Variants in LRBA observed in about 807,000 individuals in gnomAD.
The protein encoded by LRBA is lipopolysaccharide-responsive and beige-like anchor protein.
LRBA carries 176 observed loss-of-function variants against 330.0 expected under a neutral mutation model. The observed-to-expected ratio is 0.53, with a 90% CI of 0.47 to 0.60. The LOEUF (loss-of-function observed/expected upper bound fraction) is 0.60, where lower values mean the gene tolerates loss of function less well. LRBA is among the 20% of genes least tolerant of loss of function. The pLI, the probability that LRBA is intolerant of heterozygous loss-of-function variation, is 0.00. For missense variants in LRBA, 3,259 were observed against 3,444.8 expected (o/e 0.95, Z 1.35); for synonymous variants, 1,230 against 1,193.0 (o/e 1.03, Z -0.64).
At chr4:150,907,603 C>A (rs987958968) in intron 11 of LRBA, among the ~76,000 whole-genome samples, 2 of 151,946 alleles carry the variant, frequency 1.3e-5, no homozygotes, top group Non-Finnish European at 2.9e-5. Flanking sequence ...AAGCAAAAAT[C>A]AAAGGGAGAA....
chr4:150,424,646 C>T (rs931806694), intron 46 of LRBA, among the ~76,000 whole-genome samples: 1 of 152,156 alleles, frequency 6.6e-6, no homozygotes, highest in East Asian at 1.9e-4. Flanking sequence ...CACACACACA[C>T]ACAGAGTCAG....
chr4:150,514,490 T>C (rs868475736), intron 40 of LRBA, among the ~76,000 whole-genome samples: 2 of 152,134 alleles, frequency 1.3e-5, no homozygotes, highest in African/African-American at 4.8e-5. Flanking sequence ...GCACAAGAAA[T>C]GCAGAAAAAA....
intron 53 of LRBA, among the ~76,000 whole-genome samples, chr4:150,288,679 CCATA>C (rs2126790708): frequency 6.6e-6 from 1 of 151,950 alleles, no homozygotes; most frequent in Admixed American, 6.5e-5. Flanking sequence ...CACAAAAATA[CCATA>C]CAATGTTGTT....
chr4:150,546,298 C>G (rs1765855203), intron 40 of LRBA, among the ~76,000 whole-genome samples: 1 of 152,108 alleles, frequency 6.6e-6, no homozygotes, highest in Admixed American at 6.6e-5. Context: ...TATTTAAAAC[C>G]ACTATTCAAA....
At chr4:150,895,611 A>T (rs570432415) in intron 16 of LRBA, among the ~76,000 whole-genome samples, 1 of 152,192 alleles carries the variant, frequency 6.6e-6, no homozygotes, top group Non-Finnish European at 1.5e-5. Flanking sequence ...AAGGACATGA[A>T]CTCATCCTTT....
chr4:150,756,091 A>G (rs566065503), intron 35 of LRBA, among the ~76,000 whole-genome samples: 20 of 151,798 alleles, frequency 1.3e-4, no homozygotes, highest in Non-Finnish European at 2.4e-4. Flanking sequence ...ATTTGCACTT[A>G]TTTTTCAAAA....
At chr4:151,008,741 G>A (rs1744420681) in intron 2 of LRBA, among the ~76,000 whole-genome samples, 2 of 151,450 alleles carry the variant, frequency 1.3e-5, no homozygotes, top group African/African-American at 4.9e-5. Flanking sequence ...TTGGGAGGCT[G>A]AGGCAGGCGG....
chr4:150,575,608 TGAAA>T (rs763754017), intron 40 of LRBA, among the ~76,000 whole-genome samples: 11 of 151,874 alleles, frequency 7.2e-5, no homozygotes, highest in Non-Finnish European at 1.5e-4. Flanking sequence ...TCATATGACC[TGAAA>T]GAAATAGCAC....
intron 37 of LRBA, among the ~76,000 whole-genome samples, chr4:150,655,089 T>C (rs1395378808): frequency 1.3e-5 from 2 of 152,208 alleles, no homozygotes; most frequent in Non-Finnish European, 2.9e-5. Context: ...AAATGGTATT[T>C]CTAGTCCTAG....
chr4:150,497,726 A>G (rs2152113539), intron 40 of LRBA, among the ~76,000 whole-genome samples: 1 of 152,332 alleles, frequency 6.6e-6, no homozygotes, highest in East Asian at 1.9e-4. Context: ...TGATTGGACT[A>G]AAATGGCTTT....
At chr4:150,282,686 G>A (rs745681308) in intron 54 of LRBA, 40 bp from the exon 55 acceptor site, 3 of 1,345,024 alleles carry the variant, frequency 2.2e-6, no homozygotes, top group East Asian at 2.3e-5. Flanking sequence ...ATTATTGAAT[G>A]AAAACAGACA....
chr4:150,761,783 CT>C lies in LRBA; in HGVS notation c.5644del (p.Arg1882GlyfsTer7). ...AATGAATTAAAATAAAATAAATTACCTTCCTTCATTGACAAGTTCGATAAAA... is the reference window on the plus strand; with the variant it reads ...AATGAATTAAAATAAAATAAATTACCTCCTTCATTGACAAGTTCGATAAAA... ...LAFIELVNEG[R>X]LLSQTMKDHL... On this transcript the variant is annotated frameshift_variant and splice_region_variant, in exon 35 of 57. Coordinates refer to ENST00000651943, the MANE Select transcript of LRBA (RefSeq NM_001364905.1). LOFTEE classifies it high-confidence loss of function. The C allele has an allele frequency of 6.6e-7, 1 of 1,520,764 alleles. No homozygotes were observed. The highest frequency in any genetic ancestry group is 8.9e-7 in the Non-Finnish European group (1 of 1,129,350). The allele number at this position is 1,520,764 out of a possible 1,614,324, so 94.2% of individuals were successfully genotyped here.
chr4:150,540,116 C>T (rs1444350344), intron 40 of LRBA, among the ~76,000 whole-genome samples: 4 of 152,112 alleles, frequency 2.6e-5, no homozygotes, highest in Non-Finnish European at 1.5e-5. Context: ...CTAGGTTTTA[C>T]GGACATTTTA....
chr4:150,325,928 T>C (rs751491064), intron 48 of LRBA, 30 bp from the exon 49 acceptor site: 14 of 1,218,036 alleles, frequency 1.1e-5, no homozygotes, highest in Non-Finnish European at 1.7e-5. Flanking sequence ...GTCTGAAGGT[T>C]AAGAGGTGCT....
chr4:150,329,134 T>G (rs1733674032), intron 48 of LRBA, among the ~76,000 whole-genome samples: 1 of 152,200 alleles, frequency 6.6e-6, no homozygotes, highest in Admixed American at 6.5e-5. Context: ...AAAGCTATAG[T>G]CTCTCACACA....
chr4:150,729,386 T>C (rs1192579472), intron 36 of LRBA, among the ~76,000 whole-genome samples: 1 of 151,976 alleles, frequency 6.6e-6, no homozygotes, highest in Non-Finnish European at 1.5e-5. Flanking sequence ...AAAAAAGTAA[T>C]CCCATTTACA....
intron 2 of LRBA, among the ~76,000 whole-genome samples, chr4:150,943,982 A>C (rs866130308): frequency 4.6e-5 from 7 of 152,328 alleles, no homozygotes; most frequent in Middle Eastern, 3.4e-3. Flanking sequence ...TTAGAGAGGA[A>C]CAGTCCTCCA....
At chr4:150,982,198 G>A (rs28537980) in intron 2 of LRBA, among the ~76,000 whole-genome samples, 9,854 of 151,922 alleles carry the variant, frequency 0.065, 478 homozygotes, top group East Asian at 0.19. Flanking sequence ...TAGTATGATC[G>A]ATCTGGTCTT....
chr4:150,655,387 T>C (rs1259457863), intron 37 of LRBA, among the ~76,000 whole-genome samples: 1 of 152,212 alleles, frequency 6.6e-6, no homozygotes, highest in Admixed American at 6.5e-5. Flanking sequence ...ATTTTTATCC[T>C]TTTTAGACTT....
Sources: allele counts gnomAD v4.1 joint callset (sites outside exome capture counted in the v4.1 genomes callset), GRCh38; gene constraint gnomAD v4.1.1; transcripts MANE v1.5; gene names NCBI Gene and HGNC (gene_info 2026-07-23, HGNC 2026-07-21).